Variants in AFAP1 observed in about 807,000 individuals in gnomAD.
AFAP1 encodes actin filament associated protein 1.
A neutral mutation model predicts 93.9 loss-of-function variants in AFAP1; 75 were observed. That is an observed-to-expected ratio of 0.80 (90% confidence interval 0.66 to 0.97). The LOEUF (loss-of-function observed/expected upper bound fraction) is 0.97. Among genes scored for constraint, AFAP1 ranks in the 50% least tolerant of loss-of-function variants. The probability of loss-of-function intolerance (pLI) is 0.00; values close to 1 mark genes in which losing one functional copy is unlikely to be tolerated. For synonymous variants in AFAP1, 517 were observed against 430.7 expected, an observed-to-expected ratio of 1.20 and a Z score of -2.48; for missense variants, 1,201 against 1,050.8, an observed-to-expected ratio of 1.14 and a Z score of -1.98.
intron 9 of AFAP1, chr4:7,809,382 T>G (rs898641667): frequency 5.2e-5 from 19 of 367,280 alleles, no homozygotes; most frequent in Non-Finnish European, 6.9e-5. Context: ...GAAATTTTTT[T>G]TTTTCCTTGA....
Position 7,939,387 on chromosome 4 carries a change from C to T in AFAP1, c.-3+269G>A. On this transcript the variant is annotated intron_variant, in intron 1 of 17. Transcript: ENST00000420658. This position sits in a 1 kb window ranked among gnomAD's most constrained non-coding sequence, Gnocchi z 5.6. ...ACGCCGCGGGGGCACCGGGCAGGAG[C>T]CAGCGCCCGGGTCCACGCAGTCCCC... The T allele has an allele frequency of 3.1e-6, 1 of 323,764 alleles. No homozygotes were observed. The highest frequency in any genetic ancestry group is 6.2e-6 in the Non-Finnish European group (1 of 161,886). The allele number at this position is 323,764 out of a possible 1,614,324, so 20.1% of individuals were successfully genotyped here.
chr4:7,918,468 TG>T (rs1720222236), intron 1 of AFAP1, among the ~76,000 whole-genome samples: 1 of 140,250 alleles, frequency 7.1e-6, no homozygotes, highest in African/African-American at 2.7e-5. Flanking sequence ...CAAACAGGGC[TG>T]CCGGATGAGA....
At chr4:7,787,313 C>T (rs567689513) in intron 11 of AFAP1, among the ~76,000 whole-genome samples, 113 of 152,380 alleles carry the variant, frequency 7.4e-4, no homozygotes, top group Middle Eastern at 3.4e-3. Context: ...TCCCTCACTG[C>T]TTCTGAACTG....
At chr4:7,890,091 G>C (rs544429619) in intron 1 of AFAP1, among the ~76,000 whole-genome samples, 1 of 150,822 alleles carries the variant, frequency 6.6e-6, no homozygotes, top group East Asian at 1.9e-4. Context: ...GGCCAAACGA[G>C]GTGGAGAAAA....
chr4:7,920,758 GACAAT>G (rs1395287038), intron 1 of AFAP1, among the ~76,000 whole-genome samples: 1 of 152,104 alleles, frequency 6.6e-6, no homozygotes, highest in East Asian at 1.9e-4. Context: ...AAAGTCGAAA[GACAAT>G]TTCGATATGT....
At chr4:7,801,914 C>CAAAAAAAAAAAAAAAAAAAAAA (rs531684652) in intron 9 of AFAP1, among the ~76,000 whole-genome samples, 9 of 65,198 alleles carry the variant, frequency 1.4e-4, no homozygotes, top group South Asian at 9.8e-4. Flanking sequence ...GACCCTATCA[C>CAAAAAAAAAAAAAAAAAAAAAA]AAAAAAAAAA....
intron 12 of AFAP1, among the ~76,000 whole-genome samples, chr4:7,783,736 G>C (rs1717001352): frequency 6.6e-6 from 1 of 152,226 alleles, no homozygotes; most frequent in South Asian, 2.1e-4. Flanking sequence ...GAATAAAACG[G>C]GCTGGGTGGA....
intron 4 of AFAP1, among the ~76,000 whole-genome samples, chr4:7,851,955 G>T (rs1199634398): frequency 6.6e-6 from 1 of 152,138 alleles, no homozygotes; most frequent in African/African-American, 2.4e-5. Flanking sequence ...TCTGACCAGG[G>T]AACTCATTTA....
chr4:7,780,449 T>C (rs185706481), intron 13 of AFAP1, among the ~76,000 whole-genome samples: 39 of 152,378 alleles, frequency 2.6e-4, no homozygotes, highest in African/African-American at 8.4e-4. Context: ...ACATGCCCAT[T>C]TGCTATATAT....
At chr4:7,843,489 C>T (rs371081756) in intron 4 of AFAP1, 139 bp from the exon 5 acceptor site, 5 of 746,218 alleles carry the variant, frequency 6.7e-6, no homozygotes, top group African/African-American at 5.3e-5. Flanking sequence ...AGGGAAAAAA[C>T]AAAAACAAAA....
intron 8 of AFAP1, 46 bp downstream of exon 8, chr4:7,815,972 T>C (rs199661461): frequency 2.4e-5 from 14 of 592,782 alleles, no homozygotes; most frequent in Non-Finnish European, 3.2e-5. Context: ...TTTGTTTTTG[T>C]TTTTTTTTTT....
intron 1 of AFAP1, among the ~76,000 whole-genome samples, chr4:7,897,820 G>C (rs1477318371): frequency 6.6e-6 from 1 of 152,094 alleles, no homozygotes. Context: ...ACAGGCATGA[G>C]CCACCGCACC....
intron 10 of AFAP1, 68 bp from the exon 11 acceptor site, chr4:7,793,894 A>G (rs1718135137): frequency 1.4e-6 from 2 of 1,405,850 alleles, no homozygotes; most frequent in African/African-American, 1.4e-5. Context: ...AAATGTGTCA[A>G]TAAAGAGACC....
intron 17 of AFAP1, among the ~76,000 whole-genome samples, chr4:7,768,491 TGAAGAGGACTTCAGC>T (rs1714938427): frequency 2.6e-5 from 4 of 152,164 alleles, no homozygotes; most frequent in Non-Finnish European, 4.4e-5. Flanking sequence ...ATCTGAGTGC[TGAAGAGGACTTCAGC>T]GGTCTCCTGG....
Position 7,871,994 on chromosome 4 carries a change from C to T in AFAP1, c.85G>A (p.Ala29Thr). The T allele has an allele frequency of 6.2e-7, 1 of 1,614,146 alleles. No individual in the cohort carries two copies. Among genetic ancestry groups the T allele is most frequent in the Non-Finnish European group, 8.5e-7 (1 of 1,180,014 alleles). ...YLTSTVREKK[A>T]VITNILLRIQ... is the part of the protein sequence containing the mutation. Reference sequence around the variant, plus strand: ...CTTAGCAGAATGTTGGTTATCACTGCCTTTTTCTCCCTGACAGTTGAGGTT... The same window carrying T: ...CTTAGCAGAATGTTGGTTATCACTGTCTTTTTCTCCCTGACAGTTGAGGTT... The change falls in exon 2 of 18, where the codon GCA becomes ACA. Residue 29 changes from alanine (A) to threonine (T), a missense_variant. Transcript: ENST00000420658.
chr4:7,784,281 A>G (rs1409140091), intron 12 of AFAP1, among the ~76,000 whole-genome samples: 1 of 152,002 alleles, frequency 6.6e-6, no homozygotes, highest in South Asian at 2.1e-4. Context: ...CTAGGATGGG[A>G]TCCTAAAGTG....
intron 6 of AFAP1, among the ~76,000 whole-genome samples, chr4:7,827,944 T>G (rs1263421438): frequency 6.6e-6 from 1 of 152,198 alleles, no homozygotes; most frequent in Non-Finnish European, 1.5e-5. Context: ...TCTTAAAATT[T>G]TGTTTTAATA....
intron 15 of AFAP1, 61 bp from the exon 16 acceptor site, chr4:7,773,071 A>C: frequency 6.5e-7 from 1 of 1,545,100 alleles, no homozygotes; most frequent in African/African-American, 1.4e-5. Flanking sequence ...AACAACAGAG[A>C]AGGCACCTGG....
intron 1 of AFAP1, among the ~76,000 whole-genome samples, chr4:7,927,059 C>T (rs73214046): frequency 0.027 from 4,100 of 152,334 alleles, 68 homozygotes; most frequent in Non-Finnish European, 0.04. Flanking sequence ...CCTTCCACGT[C>T]TACCTTCCAA....
Sources: gnomAD v4.1 joint callset for allele counts (sites outside exome capture counted in the v4.1 genomes callset) on GRCh38, gnomAD v4.1.1 for gene constraint, Gnocchi (gnomAD v3.1) non-coding constraint, MANE v1.5 for transcripts, NCBI Gene and HGNC (gene_info 2026-07-23, HGNC 2026-07-21) for gene names.